Variants in UNC5D observed in about 807,000 individuals in gnomAD.
UNC5D encodes the protein unc-5 netrin receptor D, also known as netrin receptor UNC5D.
A neutral mutation model predicts 105.4 loss-of-function variants in UNC5D; 39 were observed. That is an observed-to-expected ratio of 0.37 (90% CI 0.29 to 0.48). The LOEUF is 0.48. Ranked by LOEUF, UNC5D falls within the 20% of genes least tolerant of loss-of-function variation. UNC5D has a pLI of 0.98. For missense variants in UNC5D, 991 were observed against 1,202.4 expected (o/e 0.82, Z 2.60); for synonymous variants, 452 against 450.4 (o/e 1.00, Z -0.04).
chr8:35,292,308 T>C (rs1271289854), intron 1 of UNC5D, among the ~76,000 whole-genome samples: 3 of 152,234 alleles, frequency 2.0e-5, no homozygotes, highest in African/African-American at 7.2e-5. Context: ...TACCTTTATC[T>C]ATTATGTGAG....
At chr8:35,768,821 A>G (rs1801886348) in intron 15 of UNC5D, among the ~76,000 whole-genome samples, 1 of 152,192 alleles carries the variant, frequency 6.6e-6, no homozygotes, top group African/African-American at 2.4e-5. Context: ...ACATCATAAT[A>G]TCTCTTGATA....
chr8:35,621,394 G>C (rs910114790), intron 4 of UNC5D, among the ~76,000 whole-genome samples: 1 of 152,156 alleles, frequency 6.6e-6, no homozygotes, highest in African/African-American at 2.4e-5. Context: ...GAAAATATAT[G>C]TTGAAGGAAT....
At chr8:35,410,601 A>G (rs1009656781) in intron 1 of UNC5D, among the ~76,000 whole-genome samples, 3 of 152,116 alleles carry the variant, frequency 2.0e-5, no homozygotes, top group African/African-American at 7.2e-5. Flanking sequence ...TTTATTTTTC[A>G]TCAGAGCACC....
rs1563268543 is a variant in UNC5D, at chr8:35,271,748, C to CATATATATGTATAA, written c.103+35863_103+35864insATATATGTATAAAT. Among the ~76,000 whole-genome samples the CATATATATGTATAA allele has an allele frequency of 6.2e-5, 5 of 80,432 alleles. 1 individual carries two copies. Among genetic ancestry groups the CATATATATGTATAA allele is most frequent in the Admixed American group, 1.3e-4 (1 of 7,998 alleles). 52.8% of individuals were successfully genotyped at this position (80,432 alleles called of 152,430 possible). On this transcript the variant is annotated intron_variant, in intron 1 of 16. Transcript: ENST00000404895. ...ATACATGTATACATATATATTTATA[C>CATATATATGTATAA]ATGTATACATGTATACATATATTTA...
intron 1 of UNC5D, among the ~76,000 whole-genome samples, chr8:35,543,311 A>G (rs1172019690): frequency 1.3e-5 from 2 of 152,238 alleles, no homozygotes; most frequent in Non-Finnish European, 2.9e-5. Context: ...AAAAGTATAC[A>G]AATAATTTAG....
chr8:35,271,771 T>TGTATACATGTATACATGTA (rs1563268638), intron 1 of UNC5D, among the ~76,000 whole-genome samples: 3 of 135,354 alleles, frequency 2.2e-5, no homozygotes, highest in Admixed American at 7.1e-5. Flanking sequence ...ATACATATAT[T>TGTATACATGTATACATGTA]TACATAGGCA....
intron 3 of UNC5D, among the ~76,000 whole-genome samples, chr8:35,593,123 T>G (rs191180634): frequency 6.6e-6 from 1 of 152,142 alleles, no homozygotes; most frequent in East Asian, 1.9e-4. Context: ...TAAATAGATA[T>G]GTATGTATTT....
intron 1 of UNC5D, among the ~76,000 whole-genome samples, chr8:35,358,682 T>C (rs1314943909): frequency 6.6e-6 from 1 of 152,202 alleles, no homozygotes; most frequent in African/African-American, 2.4e-5. Flanking sequence ...CTGTATCATG[T>C]ATTTAAATCA....
intron 1 of UNC5D, among the ~76,000 whole-genome samples, chr8:35,489,430 T>G (rs1171546883): frequency 1.3e-5 from 2 of 152,162 alleles, no homozygotes; most frequent in African/African-American, 4.8e-5. Context: ...GGTGATTAAG[T>G]TAACATGAGT....
At chr8:35,501,704 A>C (rs1003259399) in intron 1 of UNC5D, among the ~76,000 whole-genome samples, 1 of 152,250 alleles carries the variant, frequency 6.6e-6, no homozygotes. Flanking sequence ...AAGGATTTGC[A>C]TTCAGTTACC....
chr8:35,605,485 G>C (rs1820227482), intron 4 of UNC5D, among the ~76,000 whole-genome samples: 1 of 152,212 alleles, frequency 6.6e-6, no homozygotes, highest in Non-Finnish European at 1.5e-5. Context: ...AGGCTACTTG[G>C]CGGTCAGGGA....
At chr8:35,491,010 A>C (rs2130104701) in intron 1 of UNC5D, among the ~76,000 whole-genome samples, 1 of 152,014 alleles carries the variant, frequency 6.6e-6, no homozygotes, top group East Asian at 1.9e-4. Flanking sequence ...AAATAATTGA[A>C]TTGGTAAAAA....
chr8:35,250,344 GATTT>G (rs972890910), intron 1 of UNC5D, among the ~76,000 whole-genome samples: 12 of 152,164 alleles, frequency 7.9e-5, no homozygotes, highest in Admixed American at 5.2e-4. Flanking sequence ...GAGAGCCATG[GATTT>G]ATTTATTTAT....
At chr8:35,516,259 A>C (rs895795551) in intron 1 of UNC5D, among the ~76,000 whole-genome samples, 4 of 152,178 alleles carry the variant, frequency 2.6e-5, no homozygotes, top group Non-Finnish European at 5.9e-5. Context: ...CATCAGTTGC[A>C]TGCAAATCTG....
intron 3 of UNC5D, among the ~76,000 whole-genome samples, chr8:35,583,262 A>T (rs1818571499): frequency 6.6e-6 from 1 of 152,194 alleles, no homozygotes; most frequent in Non-Finnish European, 1.5e-5. Context: ...CCGAGGCAGT[A>T]GTATTGCTTG....
At chr8:35,554,101 G>A (rs1816360517) in intron 2 of UNC5D, among the ~76,000 whole-genome samples, 2 of 152,196 alleles carry the variant, frequency 1.3e-5, no homozygotes, top group African/African-American at 4.8e-5. Context: ...CATAGGACCT[G>A]GGAGTGTTTG....
chr8:35,303,038 A>G (rs1808077342), intron 1 of UNC5D, among the ~76,000 whole-genome samples: 1 of 152,120 alleles, frequency 6.6e-6, no homozygotes, highest in South Asian at 2.1e-4. Flanking sequence ...TTTTAAATAT[A>G]TATGTTATTC....
chr8:35,430,873 G>A (rs78225022), intron 1 of UNC5D, among the ~76,000 whole-genome samples: 2,165 of 152,280 alleles, frequency 0.014, 61 homozygotes, highest in African/African-American at 0.05. Flanking sequence ...GATGGAAGAA[G>A]CACCTTGGTG....
At chr8:35,321,117 T>C (rs997731260) in intron 1 of UNC5D, among the ~76,000 whole-genome samples, 1 of 152,160 alleles carries the variant, frequency 6.6e-6, no homozygotes, top group Non-Finnish European at 1.5e-5. Context: ...TTGTTCTAGG[T>C]TGATAGGACT....
Sources: gnomAD v4.1 joint callset for allele counts (sites outside exome capture counted in the v4.1 genomes callset) on GRCh38, gnomAD v4.1.1 for gene constraint, MANE v1.5 for transcripts, NCBI Gene and HGNC (gene_info 2026-07-23, HGNC 2026-07-21) for gene names.